The following AGPAT2 variants were observed in gnomAD, a reference collection of about 807,000 sequenced individuals.
AGPAT2 encodes the protein 1-acylglycerol-3-phosphate O-acyltransferase 2, also known as 1-acyl-sn-glycerol-3-phosphate acyltransferase beta.
AGPAT2 carries 18 observed loss-of-function variants against 26.1 expected under a neutral mutation model. The observed-to-expected ratio is 0.69, with a 90% CI of 0.48 to 1.02. The LOEUF (loss-of-function observed/expected upper bound fraction) is 1.02, where lower values mean the gene tolerates loss of function less well. AGPAT2 is among the 50% of genes least tolerant of loss of function. AGPAT2 has a pLI of 0.00. For missense variants in AGPAT2, 415 were observed against 394.9 expected (o/e 1.05, Z -0.43); for synonymous variants, 200 against 174.2 (o/e 1.15, Z -1.16).
rs751036761 is a variant in AGPAT2 at position 136,676,611 on chromosome 9, C to T, written c.562G>A (p.Ala188Thr). 9.3e-6 allele frequency: 15 copies of T among 1,613,406 alleles called. No individual in the cohort carries two copies. The highest frequency in any genetic ancestry group is 1.2e-5 in the Non-Finnish European group (14 of 1,179,848). Residue 188 changes from alanine to threonine, a missense_variant, in exon 4 of 6, where the codon GCC (alanine) becomes ACC (threonine). Physicochemically the swap from Ala to Thr is moderately conservative, Grantham distance 58 (BLOSUM62 0). Coordinates refer to ENST00000371696, the MANE Select transcript of AGPAT2 (RefSeq NM_006412.4). ...NGDLLPFKKG[A>T]FYLAVQAQVP... ...TGTGCCTGGACTGCCAGGTAGAAGG[C>T]GCCCTTCTTAAAAGGCAGCAGGTCC...
rs1846069516 is a variant in AGPAT2, at chr9:136,674,808, C to T, written c.589-1G>A. The T allele has an allele frequency of 6.5e-7, 1 of 1,547,286 alleles. No homozygotes were observed. The highest frequency in any genetic ancestry group is 2.5e-5 in the East Asian group (1 of 40,352). The stretch of plus-strand genomic sequence containing the variant: ...AGTACACCACGGGGACGATGGGCAC[C>T]TGCAGGCAGGGAGACGCACAGCTGA... On this transcript the variant is annotated splice_acceptor_variant, in intron 4 of 5. Transcript: ENST00000371696. LOFTEE classifies it high-confidence loss of function.
At position 136,686,449 on chromosome 9, in the gene AGPAT2, C is replaced by T. The variant is rs894938141; in HGVS notation, c.182+727G>A. Among the ~76,000 whole-genome samples the T allele has an allele frequency of 6.6e-5, 10 of 152,234 alleles. No homozygotes were observed. The South Asian group carries it at 2.1e-3, about 31-fold the overall frequency. On this transcript the variant is annotated intron_variant, in intron 1 of 5. Transcript: ENST00000371696. ...TTTGGCAGCCCAGTCTGACCTCTGG[C>T]CCCCAACCCCAGCCTGGCAAAACCA...
At chr9:136,674,540 A>ACCAC (rs1183404080) in intron 5 of AGPAT2, among the ~76,000 whole-genome samples, 195 bp downstream of exon 5, 1 of 152,230 alleles carries the variant, frequency 6.6e-6, no homozygotes, top group African/African-American at 2.4e-5. Flanking sequence ...TGGGCCCAGC[A>ACCAC]CCACCCATCT....
intron 1 of AGPAT2, among the ~76,000 whole-genome samples, chr9:136,686,420 C>A (rs1846221717): frequency 6.6e-6 from 1 of 152,250 alleles, no homozygotes; most frequent in South Asian, 2.1e-4. Flanking sequence ...CAGCCCCCGC[C>A]GTCTTTGGCA....
chr9:136,674,600 C>A, intron 5 of AGPAT2, 135 bp downstream of exon 5: 1 of 554,096 alleles, frequency 1.8e-6, no homozygotes, highest in South Asian at 4.4e-5. Flanking sequence ...CAGCCTGAGT[C>A]ACTCATTCGC....
At chr9:136,676,841 C>A (rs778672092) in intron 3 of AGPAT2, 120 bp downstream of exon 3, 114 of 1,333,126 alleles carry the variant, frequency 8.6e-5, no homozygotes, top group South Asian at 1.8e-4. Flanking sequence ...ACCCCACCTG[C>A]GGAGCATGGA....
At chr9:136,683,924 G>A (rs965669299) in intron 1 of AGPAT2, among the ~76,000 whole-genome samples, 1 of 152,204 alleles carries the variant, frequency 6.6e-6, no homozygotes, top group African/African-American at 2.4e-5. Flanking sequence ...AACCTTGCCC[G>A]ACATCCCAAG....
At chr9:136,678,832 C>T (rs1353081913) in intron 1 of AGPAT2, among the ~76,000 whole-genome samples, 1 of 146,476 alleles carries the variant, frequency 6.8e-6, no homozygotes, top group Non-Finnish European at 1.5e-5. Context: ...ACAATCTGGG[C>T]TCACTCCAGC....
chr9:136,675,649 C>T (rs930924633), intron 4 of AGPAT2, among the ~76,000 whole-genome samples: 1 of 152,054 alleles, frequency 6.6e-6, no homozygotes, highest in African/African-American at 2.4e-5. Flanking sequence ...CGGCCACCCC[C>T]AGCCACCCCA....
Position 136,687,407 on chromosome 9 carries a change from CCCGCTT to C in AGPAT2, c.-56_-51del. 3 of 1,370,332 alleles carry C rather than the reference CCCGCTT, an allele frequency of 2.2e-6. No homozygotes were observed. The highest frequency in any genetic ancestry group is 3.1e-5 in the East Asian group (1 of 32,468). 84.9% of individuals were successfully genotyped at this position (1,370,332 alleles called of 1,614,324 possible). A position where few individuals can be genotyped will look rare whatever the true frequency, so the allele number is the denominator to read the frequency against. Reference sequence around the variant, plus strand: ...CCGCCAGCTCGCTCCCGCTCCCGCTCCCGCTTCTCCCCCGCGCGCTCAGGCCCCTTA... The same window carrying C: ...CCGCCAGCTCGCTCCCGCTCCCGCTCCTCCCCCGCGCGCTCAGGCCCCTTA... On this transcript the variant is annotated 5_prime_UTR_variant, in exon 1 of 6. Transcript: ENST00000371696.
intron 1 of AGPAT2, among the ~76,000 whole-genome samples, chr9:136,685,800 G>A (rs1299160302): frequency 6.6e-6 from 1 of 152,142 alleles, no homozygotes; most frequent in Non-Finnish European, 1.5e-5. Flanking sequence ...AGAGACCCCT[G>A]CCTACAGGGG....
rs551437578 is a variant in AGPAT2 at position 136,674,632 on chromosome 9, C to T, written c.661+103G>A. On this transcript the variant is annotated intron_variant, in intron 5 of 5. Coordinates refer to ENST00000371696, the MANE Select transcript of AGPAT2 (RefSeq NM_006412.4). Reference sequence around the variant, plus strand: ...TCGCCACATGGTCACCGTGTGGCCACGCCACGGGTGCCACCCGGAAATGGG... The same window carrying T: ...TCGCCACATGGTCACCGTGTGGCCATGCCACGGGTGCCACCCGGAAATGGG... 68 of 901,642 alleles carry T rather than the reference C, an allele frequency of 7.5e-5. 1 individual carries two copies. In the South Asian group the frequency reaches 9.1e-4, roughly 12 times the overall value. The allele number at this position is 901,642 out of a possible 1,614,324, so 55.9% of individuals were successfully genotyped here.
intron 1 of AGPAT2, among the ~76,000 whole-genome samples, chr9:136,686,649 A>G (rs563339022): frequency 1.3e-5 from 2 of 152,170 alleles, no homozygotes; most frequent in Admixed American, 1.3e-4. Context: ...CGAAGAGGAA[A>G]GGGAGAGAAA....
rs756136039 is a variant in AGPAT2, at chr9:136,676,695, G to A, written c.493-15C>T. 79 of 1,611,262 alleles carry A rather than the reference G, an allele frequency of 4.9e-5. No individual in the cohort carries two copies. Among genetic ancestry groups the A allele is most frequent in the Non-Finnish European group, 6.2e-5 (73 of 1,178,188 alleles). ...CACACTTTGAGCTGCAGGGAGAGGA[G>A]AGCCTGGACTGACCTCACGCCCAGG... On this transcript the variant is annotated splice_polypyrimidine_tract_variant and intron_variant, in intron 3 of 5. Transcript: ENST00000371696.
chr9:136,677,119 G>C lies in AGPAT2; in HGVS notation c.334C>G (p.Pro112Ala). The C allele has an allele frequency of 6.2e-7, 1 of 1,613,082 alleles. No individual in the cohort carries two copies. Among genetic ancestry groups the C allele is most frequent in the Non-Finnish European group, 8.5e-7 (1 of 1,179,988 alleles). ...TTGGCGATCTGCACGCAGCGCTCCG[G>C]AAGGACCTCCATGAGGCCTGGGAGA... The part of the protein sequence containing the change: ...LDMMGLMEVL[P>A]ERCVQIAKRE... Residue 112 changes from proline to alanine, a missense_variant, in exon 3 of 6, where the codon CCG (proline) becomes GCG (alanine). Pro to Ala is a conservative substitution (Grantham distance 27). Coordinates refer to ENST00000371696, the MANE Select transcript of AGPAT2 (RefSeq NM_006412.4).
At chr9:136,674,488 C>T (rs560698554) in intron 5 of AGPAT2, among the ~76,000 whole-genome samples, 37 of 152,362 alleles carry the variant, frequency 2.4e-4, no homozygotes, top group Admixed American at 1.5e-3. Context: ...GGGGTCCATC[C>T]GTGTGAAGTC....
rs543471005 is a variant in AGPAT2, at chr9:136,685,703, A to G, written c.182+1473T>C. On this transcript the variant is annotated intron_variant, in intron 1 of 5. Transcript: ENST00000371696. Reference sequence around the variant, plus strand: ...CTCGGGGTGGGGGGCACCCCAAGGAACCCACAGACTGGCCCCTCCTCAGCT... The same window carrying G: ...CTCGGGGTGGGGGGCACCCCAAGGAGCCCACAGACTGGCCCCTCCTCAGCT... Among the ~76,000 whole-genome samples the G allele has an allele frequency of 7.9e-5, 12 of 152,092 alleles. No homozygotes were observed. The East Asian group carries it at 1.6e-3, about 20-fold the overall frequency.
At chr9:136,676,799 G>A (rs909736038) in intron 3 of AGPAT2, 119 bp from the exon 4 acceptor site, 13 of 1,270,486 alleles carry the variant, frequency 1.0e-5, no homozygotes, top group Admixed American at 3.8e-5. Context: ...CCCCATCTGC[G>A]GAGCATGGAT....
intron 1 of AGPAT2, among the ~76,000 whole-genome samples, chr9:136,679,131 G>A (rs1846130152): frequency 6.6e-6 from 1 of 152,184 alleles, no homozygotes. Flanking sequence ...CAGTTCATGG[G>A]CGCTGGGCAC....
Sources: gnomAD v4.1 joint callset for allele counts (sites outside exome capture counted in the v4.1 genomes callset) on GRCh38, gnomAD v4.1.1 for gene constraint, MANE v1.5 for transcripts, NCBI Gene and HGNC (gene_info 2026-07-23, HGNC 2026-07-21) for gene names.